Variants in APBB2 observed in about 807,000 individuals in gnomAD.
The protein encoded by APBB2 is Fe65-like 1.
In APBB2, 38 loss-of-function variants were observed where a neutral mutation model predicts 82.5. The ratio of observed to expected loss-of-function variants is 0.46; its 90% CI spans 0.36 to 0.60. The LOEUF (loss-of-function observed/expected upper bound fraction) is 0.60, where lower values mean the gene tolerates loss of function less well. Among genes scored for constraint, APBB2 ranks in the 20% least tolerant of loss-of-function variants. The pLI is 0.00. For missense variants in APBB2, 772 were observed against 972.3 expected (o/e 0.79, Z 2.74); for synonymous variants, 341 against 368.2 (o/e 0.93, Z 0.85).
chr4:41,146,125 A>C (rs545436351), intron 1 of APBB2, among the ~76,000 whole-genome samples: 15 of 152,288 alleles, frequency 9.8e-5, no homozygotes, highest in African/African-American at 3.6e-4. Context: ...CAGGAGTTCA[A>C]GACCAGCCTG....
chr4:41,178,465 G>A (rs557016137), intron 1 of APBB2, among the ~76,000 whole-genome samples: 111 of 152,102 alleles, frequency 7.3e-4, no homozygotes, highest in Non-Finnish European at 1.2e-3. Flanking sequence ...TTGAGTGACT[G>A]ATAAATATCT....
intron 6 of APBB2, among the ~76,000 whole-genome samples, chr4:40,946,930 T>C (rs574437376): frequency 6.6e-6 from 1 of 152,298 alleles, no homozygotes; most frequent in African/African-American, 2.4e-5. Flanking sequence ...TGGCCACGGA[T>C]GTGCATGCAT....
At chr4:41,000,059 ATATGTGTG>A (rs1182534802) in intron 6 of APBB2, among the ~76,000 whole-genome samples, 12 of 92,902 alleles carry the variant, frequency 1.3e-4, no homozygotes, top group African/African-American at 1.8e-4. Context: ...ATATGTATAT[ATATGTGTG>A]TATGTGTGTG....
At chr4:41,180,508 C>A (rs910387423) in intron 1 of APBB2, among the ~76,000 whole-genome samples, 2 of 151,926 alleles carry the variant, frequency 1.3e-5, no homozygotes, top group Admixed American at 6.6e-5. Context: ...GTGGTACATG[C>A]GTGTAGTCCC....
At chr4:41,173,487 C>A (rs187757048) in intron 1 of APBB2, among the ~76,000 whole-genome samples, 40 of 152,290 alleles carry the variant, frequency 2.6e-4, no homozygotes, top group Middle Eastern at 3.4e-3. Flanking sequence ...AGGCAGAAAA[C>A]TATACTTCAG....
At chr4:41,047,103 T>C (rs187035355) in intron 4 of APBB2, among the ~76,000 whole-genome samples, 3 of 152,314 alleles carry the variant, frequency 2.0e-5, no homozygotes, top group Admixed American at 2.0e-4. Context: ...AGTAGCTCCA[T>C]TGCTAGATAT....
At chr4:40,842,324 C>G (rs990003599) in intron 12 of APBB2, 1 of 453,698 alleles carries the variant, frequency 2.2e-6, no homozygotes. Flanking sequence ...TTGCCAGACA[C>G]GTTAAGACAC....
chr4:41,202,203 T>C (rs1776867819), intron 1 of APBB2, among the ~76,000 whole-genome samples: 2 of 152,212 alleles, frequency 1.3e-5, no homozygotes. Context: ...TCTGTACATA[T>C]TAAACAGTAA....
intron 6 of APBB2, among the ~76,000 whole-genome samples, chr4:41,012,637 T>C (rs572505175): frequency 4.1e-4 from 63 of 152,330 alleles, no homozygotes; most frequent in Admixed American, 3.4e-3. Context: ...TTGTAATTTA[T>C]CTACCTTATC....
At chr4:40,976,442 G>A (rs1372889557) in intron 6 of APBB2, among the ~76,000 whole-genome samples, 1 of 152,232 alleles carries the variant, frequency 6.6e-6, no homozygotes, top group Admixed American at 6.5e-5. Flanking sequence ...CCAGGGGGCA[G>A]ACATTTTGCT....
chr4:41,005,179 C>T (rs1806353660), intron 6 of APBB2, among the ~76,000 whole-genome samples: 1 of 152,160 alleles, frequency 6.6e-6, no homozygotes, highest in Non-Finnish European at 1.5e-5. Context: ...GCAACCTCAG[C>T]CTCCCGGTTC....
At chr4:40,860,673 A>G (rs768993001) in intron 12 of APBB2, among the ~76,000 whole-genome samples, 5 of 152,132 alleles carry the variant, frequency 3.3e-5, no homozygotes, top group Non-Finnish European at 5.9e-5. Context: ...CTCATTGACT[A>G]TTCTCTAACT....
intron 1 of APBB2, among the ~76,000 whole-genome samples, chr4:41,194,576 G>A: frequency 6.6e-6 from 1 of 152,150 alleles, no homozygotes. Context: ...CCCGCTACGT[G>A]GGAGAATCGT....
intron 1 of APBB2, among the ~76,000 whole-genome samples, chr4:41,192,263 T>C (rs953388133): frequency 6.6e-6 from 1 of 152,182 alleles, no homozygotes; most frequent in African/African-American, 2.4e-5. Flanking sequence ...AGAACTACTA[T>C]AGGAGCCAGC....
Position 41,118,773 on chromosome 4 carries a change from G to A in APBB2, c.-260-18023C>T, listed in dbSNP as rs75184224. ...ATATTAAGATACAAAAAAAGAGAAAGGGAGGTGAGGGAGTATTGAGATACC... is the reference window on the plus strand; with the variant it reads ...ATATTAAGATACAAAAAAAGAGAAAAGGAGGTGAGGGAGTATTGAGATACC... On this transcript the variant is annotated intron_variant, in intron 2 of 17. Transcript: ENST00000508593. Among the ~76,000 whole-genome samples the A allele has an allele frequency of 1.2e-4, 19 of 152,256 alleles. No homozygotes were observed. The East Asian group carries it at 3.5e-3, about 28-fold the overall frequency.
In APBB2 at chr4:41,014,418, T is replaced by A; in HGVS notation, c.20-20A>T. The A allele has an allele frequency of 1.2e-6, 2 of 1,605,674 alleles. No individual in the cohort carries two copies. The highest frequency in any genetic ancestry group is 1.7e-6 in the Non-Finnish European group (2 of 1,174,288). ...AGTCAGCTGGGGAAAAAAAAAGTCA[T>A]TAGACACCTGCCATGATTAAACTAC... On this transcript the variant is annotated intron_variant, in intron 5 of 17. Transcript: ENST00000508593.
In APBB2 at chr4:41,005,732, GAAGTA is replaced by G. The variant is rs3832292; in HGVS notation, c.835+7846_835+7850del. The stretch of plus-strand genomic sequence containing the variant: ...AAATCTGTATTTTCAAAATATCCGT[GAAGTA>G]AAGAGAGAGAAAACAATCATAAACT... On this transcript the variant is annotated intron_variant, in intron 6 of 17. Transcript: ENST00000508593. 3.3e-4 allele frequency among the ~76,000 whole-genome samples: 51 copies of G among 152,292 alleles called. No homozygotes were observed. The East Asian group carries it at 8.7e-3, about 26-fold the overall frequency.
At chr4:41,149,896 TG>T (rs1205367401) in intron 1 of APBB2, among the ~76,000 whole-genome samples, 3 of 152,178 alleles carry the variant, frequency 2.0e-5, no homozygotes, top group Non-Finnish European at 4.4e-5. Flanking sequence ...ATGTAAGACG[TG>T]CCTTAACTCC....
rs541315213 is a variant in APBB2, at chr4:41,079,796, C to G, written c.-148-14123G>C. 2.5e-3 allele frequency among the ~76,000 whole-genome samples: 377 copies of G among 152,204 alleles called. 2 individuals carry two copies. The highest frequency in any genetic ancestry group is 1.0e-2 in the South Asian group (48 of 4,816). Reference sequence around the variant, plus strand: ...TCTCTTGACCTCGTGATCCACCTGCCTTGGCCTCCCAAAGTGCTGGGATTA... The same window carrying G: ...TCTCTTGACCTCGTGATCCACCTGCGTTGGCCTCCCAAAGTGCTGGGATTA... On this transcript the variant is annotated intron_variant, in intron 3 of 17. Transcript: ENST00000508593.
Sources: allele counts gnomAD v4.1 joint callset (sites outside exome capture counted in the v4.1 genomes callset), GRCh38; gene constraint gnomAD v4.1.1; transcripts MANE v1.5; gene names NCBI Gene and HGNC (gene_info 2026-07-23, HGNC 2026-07-21).